The following KANSL3 variants were observed in gnomAD, a reference collection of about 807,000 sequenced individuals.
KANSL3 encodes NSL complex protein NSL3.
KANSL3 carries 16 observed loss-of-function variants against 89.2 expected under a neutral mutation model. The ratio of observed to expected loss-of-function variants is 0.18; its 90% CI spans 0.12 to 0.27. The LOEUF (loss-of-function observed/expected upper bound fraction) is 0.27. Ranked by LOEUF, KANSL3 falls within the 10% of genes least tolerant of loss-of-function variation. The pLI is 1.00. For missense variants in KANSL3, 879 were observed against 1,110.6 expected (o/e 0.79, Z 2.96); for synonymous variants, 385 against 419.7 (o/e 0.92, Z 1.01).
intron 16 of KANSL3, 128 bp downstream of exon 16, chr2:96,604,651 T>G: frequency 1.1e-6 from 1 of 886,896 alleles, no homozygotes; most frequent in Non-Finnish European, 1.7e-6. Flanking sequence ...AAGATCCCAA[T>G]CAGAAGTAAG....
intron 17 of KANSL3, 126 bp downstream of exon 17, chr2:96,604,124 T>C (rs1252140671): frequency 9.5e-7 from 1 of 1,051,520 alleles, no homozygotes. Context: ...CAAGCCTCTA[T>C]GATCACTCTA....
chr2:96,596,891 T>C (rs1573245486), intron 20 of KANSL3, among the ~76,000 whole-genome samples: 1 of 152,328 alleles, frequency 6.6e-6, no homozygotes, highest in East Asian at 1.9e-4. Flanking sequence ...AGGGAGTCCA[T>C]TTTTTGGACC....
chr2:96,604,043 C>A (rs891511351), intron 17 of KANSL3: 8 of 479,274 alleles, frequency 1.7e-5, no homozygotes, highest in African/African-American at 1.6e-4. Flanking sequence ...ACTTGCAGAC[C>A]AGGACATTTA....
chr2:96,635,813 T>C (rs1399163639), intron 2 of KANSL3, among the ~76,000 whole-genome samples: 3 of 151,706 alleles, frequency 2.0e-5, no homozygotes, highest in Non-Finnish European at 4.4e-5. Context: ...ACATGGTGGG[T>C]GGAAACCCTG....
downstream of KANSL3, among the ~76,000 whole-genome samples, chr2:96,590,680 A>T (rs1167660852): frequency 6.6e-6 from 1 of 151,694 alleles, no homozygotes; most frequent in Non-Finnish European, 1.5e-5. Flanking sequence ...TCATGTTCTC[A>T]TTTTAAAAAC....
intron 2 of KANSL3, among the ~76,000 whole-genome samples, chr2:96,633,008 CAAGGGCTCAG>C (rs1206256089): frequency 6.7e-6 from 1 of 150,244 alleles, no homozygotes; most frequent in Non-Finnish European, 1.5e-5. Flanking sequence ...CAAGGGCTCA[CAAGGGCTCAG>C]GCTTGTAATC....
Position 96,602,800 on chromosome 2 carries a change from T to G in KANSL3, c.2212A>C (p.Lys738Gln), listed in dbSNP as rs749327011. The G allele has an allele frequency of 6.2e-7, 1 of 1,611,994 alleles. No homozygotes were observed. Among genetic ancestry groups the G allele is most frequent in the South Asian group, 1.1e-5 (1 of 90,868 alleles). The change falls in exon 18 of 21, where the codon AAG becomes CAG. Residue 738 changes from lysine to glutamine, a missense_variant. Physicochemically the swap from Lys to Gln is moderately conservative, Grantham distance 53 (BLOSUM62 1). Transcript: ENST00000431828. ...LSFSLQDISSKTSGLPANPSP... is the reference protein window; with the variant it reads ...LSFSLQDISSQTSGLPANPSP... The stretch of plus-strand genomic sequence containing the variant: ...GGATTTGCTGGAAGGCCAGAGGTCT[T>G]GCTGCTGATATCCTGCAAGCTGAAG...
At position 96,595,206 on chromosome 2, in the gene KANSL3, C is replaced by G. The variant is rs1034336558; in HGVS notation, c.*405G>C. 2 of 161,932 alleles carry G rather than the reference C, an allele frequency of 1.2e-5. No individual in the cohort carries two copies. Among genetic ancestry groups the G allele is most frequent in the African/African-American group, 4.8e-5 (2 of 41,916 alleles). 10.0% of individuals were successfully genotyped at this position (161,932 alleles called of 1,614,324 possible). A position where few individuals can be genotyped will look rare whatever the true frequency, so the allele number is the denominator to read the frequency against. On this transcript the variant is annotated 3_prime_UTR_variant, in exon 21 of 21. Coordinates refer to ENST00000431828, the MANE Select transcript of KANSL3 (RefSeq NM_001115016.3). Reference sequence around the variant, plus strand: ...CCATTCTAACTCCCGAAATCCCAGACCAGATGGATGTCTCCTCCCAACTAG... The same window carrying G: ...CCATTCTAACTCCCGAAATCCCAGAGCAGATGGATGTCTCCTCCCAACTAG...
chr2:96,611,820 T>C (rs1275426863), intron 9 of KANSL3, among the ~76,000 whole-genome samples: 2 of 151,934 alleles, frequency 1.3e-5, no homozygotes, highest in Non-Finnish European at 2.9e-5. Flanking sequence ...ATTACTGTTG[T>C]TTTTTAGGTG....
Position 96,602,787 on chromosome 2 carries a change from A to T in KANSL3, c.2225T>A (p.Leu742His), listed in dbSNP as rs1249969566. ...LQDISSKTSG[L>H]PANPSPGPAP... is the part of the protein sequence containing the mutation. ...TGGTCCTGGGGAGGGATTTGCTGGA[A>T]GGCCAGAGGTCTTGCTGCTGATATC... The change falls in exon 18 of 21, where the codon CTT (leucine) becomes CAT (histidine). Residue 742 changes from leucine to histidine, a missense_variant. Leu to His is a moderately conservative substitution (Grantham distance 99). Around this residue, in one of 6 missense-constraint regions of KANSL3, gnomAD observed 89 missense variants for 139.7 expected, o/e 0.64. Coordinates refer to ENST00000431828, the MANE Select transcript of KANSL3 (RefSeq NM_001115016.3). 3 of 1,608,816 alleles carry T rather than the reference A, an allele frequency of 1.9e-6. No homozygotes were observed. The highest frequency in any genetic ancestry group is 2.2e-5 in the South Asian group (2 of 90,306).
Position 96,602,860 on chromosome 2 carries a change from C to T in KANSL3, c.2152G>A (p.Ala718Thr), listed in dbSNP as rs140252106. 4,774 of 1,613,674 alleles carry T rather than the reference C, an allele frequency of 3.0e-3. 240 individuals carry two copies. The Admixed American group carries it at 0.076, about 26-fold the overall frequency. Residue 718 changes from alanine to threonine, a missense_variant and splice_region_variant, in exon 18 of 21, where the codon GCC becomes ACC. Physicochemically the swap from Ala to Thr is moderately conservative, Grantham distance 58. This residue lies in a region of KANSL3 where 317 missense variants were observed against 311.2 expected (regional missense o/e 1.02). Transcript: ENST00000431828. ...ATSPGSSLPG[A>T]TSASSLLQGL... ...TGGAGGAGGCTGCTGGCTGATGTGG[C>T]CCCTAAGAGAGGACATAGCAGGAAT...
chr2:96,605,686 A>G, intron 14 of KANSL3, 175 bp from the exon 15 acceptor site: 1 of 508,368 alleles, frequency 2.0e-6, no homozygotes, highest in South Asian at 2.7e-5. Flanking sequence ...CACTTCACTC[A>G]GGCCCTGTCC....
intron 8 of KANSL3, 29 bp from the exon 9 acceptor site, chr2:96,612,382 G>A (rs1320024044): frequency 6.2e-7 from 1 of 1,607,738 alleles, no homozygotes; most frequent in Non-Finnish European, 8.5e-7. Flanking sequence ...AAGACAGTAA[G>A]ACAGGAGGCC....
chr2:96,614,863 A>ACAC (rs2105596537), intron 5 of KANSL3, among the ~76,000 whole-genome samples: 1 of 151,894 alleles, frequency 6.6e-6, no homozygotes, highest in Non-Finnish European at 1.5e-5. Flanking sequence ...TGGGTGCAGC[A>ACAC]CACCAACATG....
chr2:96,619,202 A>G (rs566560010), intron 5 of KANSL3, among the ~76,000 whole-genome samples, 157 bp downstream of exon 5: 1 of 152,352 alleles, frequency 6.6e-6, no homozygotes, highest in East Asian at 1.9e-4. Context: ...CACAAATGTG[A>G]AATGATACCC....
At position 96,636,904 on chromosome 2, in the gene KANSL3, T is replaced by C. The variant is rs530853962; in HGVS notation, c.215+17A>G. The C allele has an allele frequency of 1.0e-5, 15 of 1,497,478 alleles. No homozygotes were observed. In the African/African-American group the frequency reaches 1.3e-4, roughly 13 times the overall value. The allele number at this position is 1,497,478 out of a possible 1,614,324, so 92.8% of individuals were successfully genotyped here. A position where few individuals can be genotyped will look rare whatever the true frequency, so the allele number is the denominator to read the frequency against. Reference sequence around the variant, plus strand: ...GCCCAGTGAGGTTACCAGCAGCCCTTAGAAGCCCCAACTCACATGGTACTT... The same window carrying C: ...GCCCAGTGAGGTTACCAGCAGCCCTCAGAAGCCCCAACTCACATGGTACTT... On this transcript the variant is annotated intron_variant, in intron 2 of 20. Coordinates refer to ENST00000431828, the MANE Select transcript of KANSL3 (RefSeq NM_001115016.3).
At chr2:96,609,605 CACGGCATCCTATGAAAATAAGA>C (rs2068549352) in intron 11 of KANSL3, 43 bp from the exon 12 acceptor site, 1 of 1,482,074 alleles carries the variant, frequency 6.7e-7, no homozygotes, top group East Asian at 2.3e-5. Context: ...TTACACATTG[CACGGCATCCTATGAAAATAAGA>C]ACGTATTTCT....
intron 3 of KANSL3, among the ~76,000 whole-genome samples, chr2:96,621,470 C>T (rs576387051): frequency 1.3e-5 from 2 of 150,692 alleles, no homozygotes; most frequent in East Asian, 2.0e-4. Flanking sequence ...GCCGAGATTG[C>T]GCCACTGCAC....
At chr2:96,609,398 G>C in intron 12 of KANSL3, 101 bp downstream of exon 12, 1 of 979,576 alleles carries the variant, frequency 1.0e-6, no homozygotes, top group Non-Finnish European at 1.6e-6. Context: ...AGGCCCCAGT[G>C]GAGGCCTTAG....
Sources: allele counts gnomAD v4.1 joint callset (sites outside exome capture counted in the v4.1 genomes callset), GRCh38; gene constraint gnomAD v4.1.1; regional missense constraint gnomAD v4.1.1; transcripts MANE v1.5; gene names NCBI Gene and HGNC (gene_info 2026-07-23, HGNC 2026-07-21).